CFAP92: variants seen among roughly 807,000 people sequenced by gnomAD.
CFAP92 encodes the protein cilia and flagella associated protein 92 (putative), also known as uncharacterized protein CFAP92.
A neutral mutation model predicts 106.3 loss-of-function variants in CFAP92; 86 were observed. The observed-to-expected ratio is 0.81, with a 90% CI of 0.68 to 0.97. The LOEUF (loss-of-function observed/expected upper bound fraction) is 0.97. Among genes scored for constraint, CFAP92 ranks in the 50% least tolerant of loss-of-function variants. The pLI, the probability that CFAP92 is intolerant of heterozygous loss-of-function variation, is 0.00. For missense variants in CFAP92, 1,204 were observed against 1,283.8 expected, an observed-to-expected ratio of 0.94 and a Z score of 0.95; for synonymous variants, 477 against 506.4, an observed-to-expected ratio of 0.94 and a Z score of 0.78.
At position 128,909,986 on chromosome 3, in the gene CFAP92, T is replaced by TAGTG. The variant is rs1936083691; in HGVS notation, c.*309_*312dup. 3 of 1,610,298 alleles carry TAGTG rather than the reference T, an allele frequency of 1.9e-6. No individual in the cohort carries two copies. The highest frequency in any genetic ancestry group is 2.5e-6 in the Non-Finnish European group (3 of 1,178,726). ...GGACCATGTGGGGGACTGGTCTAGG[T>TAGTG]AGTGAGTCCCCACTTGGAGCCTCTG... is the stretch of plus-strand genomic sequence containing the variant. On this transcript the variant is annotated 3_prime_UTR_variant, in exon 16 of 16. Coordinates refer to ENST00000645291, the MANE Select transcript of CFAP92 (RefSeq NM_001394090.1).
At position 128,945,418 on chromosome 3, in the gene CFAP92, G is replaced by C; in HGVS notation, c.1911C>G (p.Asp637Glu). ...CCCCGGCCCTCAGTGGCACCGCGAT[G>C]TCCACTCGCAACTTGAGCTGGGAGT... Reference protein sequence around the residue: ...EADSQLKLRVDIAVPLRAGAR... With the variant: ...EADSQLKLRVEIAVPLRAGAR... Residue 637 changes from aspartate to glutamate, a missense_variant, in exon 10 of 16, where the codon GAC (aspartate) becomes GAG (glutamate). Physicochemically the swap from Asp to Glu is conservative, Grantham distance 45. Coordinates refer to ENST00000645291, the MANE Select transcript of CFAP92 (RefSeq NM_001394090.1). 1.3e-6 allele frequency: 2 copies of C among 1,536,136 alleles called. No homozygotes were observed. The highest frequency in any genetic ancestry group is 1.7e-6 in the Non-Finnish European group (2 of 1,146,908).
chr3:128,978,164 T>C lies in CFAP92; in HGVS notation c.689A>G (p.Asn230Ser), dbSNP rs1943282941. ...HKSEVRHLVL[N>S]QRKLSEQGIE... ...GCCCTGTTCAGATAATTTTCTCTGA[T>C]TTAAAACCAAATGTCTCACTTCTAG... Residue 230 changes from asparagine to serine, a missense_variant, in exon 5 of 16, where the codon AAT becomes AGT. Coordinates refer to ENST00000645291, the MANE Select transcript of CFAP92 (RefSeq NM_001394090.1). 1.2e-6 allele frequency: 2 copies of C among 1,613,710 alleles called. No homozygotes were observed. The highest frequency in any genetic ancestry group is 1.7e-6 in the Non-Finnish European group (2 of 1,179,712).
chr3:128,915,634 T>A, intron 13 of CFAP92, 71 bp from the exon 14 acceptor site: 1 of 1,024,254 alleles, frequency 9.8e-7, no homozygotes, highest in Non-Finnish European at 1.4e-6. Flanking sequence ...CAAGTAGGAA[T>A]CAGAAACAGC....
chr3:128,995,350 C>G (rs1268978197), upstream of CFAP92, among the ~76,000 whole-genome samples: 2 of 152,126 alleles, frequency 1.3e-5, no homozygotes, highest in Non-Finnish European at 2.9e-5. Context: ...GGGAAGACAC[C>G]AAATGGCAGT....
At chr3:128,933,297 C>T (rs1245389394) in intron 11 of CFAP92, among the ~76,000 whole-genome samples, 1 of 152,244 alleles carries the variant, frequency 6.6e-6, no homozygotes, top group East Asian at 1.9e-4. Context: ...CATCGGGACA[C>T]AGCCCCACCA....
In CFAP92 at chr3:128,949,133, C is replaced by T. The variant is rs114676173; in HGVS notation, c.1354-3158G>A. Among the ~76,000 whole-genome samples the T allele has an allele frequency of 5.1e-3, 781 of 152,212 alleles. 3 individuals carry two copies. Among genetic ancestry groups the T allele is most frequent in the African/African-American group, 0.018 (731 of 41,512 alleles). On this transcript the variant is annotated intron_variant, in intron 9 of 15. Transcript: ENST00000645291. ...CTGATGAGAATGCAGAGTGATCAGC[C>T]GCACTGGAAAATGGTGGGCAGTTTT...
At chr3:128,982,086 C>T (rs1374954495) in intron 4 of CFAP92, among the ~76,000 whole-genome samples, 4 of 152,232 alleles carry the variant, frequency 2.6e-5, no homozygotes, top group East Asian at 3.8e-4. Context: ...GTCAGCCTGT[C>T]CTTTGAAGCC....
intron 10 of CFAP92, among the ~76,000 whole-genome samples, chr3:128,939,450 T>G (rs1939399844): frequency 6.6e-6 from 1 of 152,180 alleles, no homozygotes; most frequent in South Asian, 2.1e-4. Context: ...GAGTTATTTT[T>G]TAATTGAGAT....
At chr3:128,993,951 C>T (rs1027519484) in intron 1 of CFAP92, 29 bp downstream of exon 1, 9 of 987,746 alleles carry the variant, frequency 9.1e-6, no homozygotes, top group Non-Finnish European at 1.1e-5. Flanking sequence ...GGGCAGGGGT[C>T]GGGGTTCCCC....
intron 3 of CFAP92, among the ~76,000 whole-genome samples, 196 bp downstream of exon 3, chr3:128,988,532 T>A (rs1944005107): frequency 6.6e-6 from 1 of 151,488 alleles, no homozygotes; most frequent in Non-Finnish European, 1.5e-5. Flanking sequence ...AGAGCAAGAC[T>A]CTGACTCAAC....
At chr3:128,987,380 G>T (rs1943925670) in intron 4 of CFAP92, among the ~76,000 whole-genome samples, 1 of 151,626 alleles carries the variant, frequency 6.6e-6, no homozygotes, top group Non-Finnish European at 1.5e-5. Context: ...GAGCTGCCCT[G>T]GAATGAAAGG....
intron 2 of CFAP92, among the ~76,000 whole-genome samples, chr3:128,992,348 G>C (rs1407750411): frequency 1.3e-5 from 2 of 152,072 alleles, no homozygotes; most frequent in Non-Finnish European, 2.9e-5. Flanking sequence ...GATGACCTGA[G>C]GTCAGGGGTT....
At chr3:128,931,311 G>C (rs796415898) in intron 12 of CFAP92, among the ~76,000 whole-genome samples, 51 of 151,894 alleles carry the variant, frequency 3.4e-4, no homozygotes, top group African/African-American at 1.2e-3. Context: ...GAGTAGCTGG[G>C]ACTACAAGTA....
At chr3:128,911,687 C>T (rs1462128371) in intron 15 of CFAP92, among the ~76,000 whole-genome samples, 1 of 152,212 alleles carries the variant, frequency 6.6e-6, no homozygotes, top group African/African-American at 2.4e-5. Flanking sequence ...GGTGATCCGC[C>T]CACCTTGGCC....
chr3:128,988,666 C>G, intron 3 of CFAP92, 62 bp downstream of exon 3: 4 of 1,529,278 alleles, frequency 2.6e-6, no homozygotes, highest in Non-Finnish European at 3.6e-6. Context: ...ATCCATGGAG[C>G]AGCACACTTT....
chr3:128,943,887 T>G (rs140689712), intron 10 of CFAP92, among the ~76,000 whole-genome samples: 63 of 151,482 alleles, frequency 4.2e-4, no homozygotes, highest in African/African-American at 1.4e-3. Flanking sequence ...ATCTTTTGTT[T>G]ATCAGTTGAT....
At chr3:128,912,590 C>G (rs1382243592) in intron 15 of CFAP92, 3 of 1,614,178 alleles carry the variant, frequency 1.9e-6, no homozygotes, top group Non-Finnish European at 2.5e-6. Flanking sequence ...TGCCCACCCT[C>G]TGGACAGGAC....
intron 4 of CFAP92, among the ~76,000 whole-genome samples, chr3:128,986,673 A>G (rs1435936734): frequency 2.0e-5 from 3 of 152,182 alleles, no homozygotes; most frequent in Non-Finnish European, 4.4e-5. Context: ...ACGCCGGTCA[A>G]CCTGCCTCCA....
rs747214571 is a variant in CFAP92 at position 128,971,271 on chromosome 3, G to A, written c.1168+16C>T. ...GACAAGCAGGAGCTGCTGGGAACAG[G>A]GCAAGCAGTGGGTACCGGCAAGGAG... On this transcript the variant is annotated intron_variant, in intron 8 of 15. Coordinates refer to ENST00000645291, the MANE Select transcript of CFAP92 (RefSeq NM_001394090.1). 1.2e-6 allele frequency: 2 copies of A among 1,613,736 alleles called. No homozygotes were observed. The highest frequency in any genetic ancestry group is 2.2e-5 in the South Asian group (2 of 90,996).
Sources: allele counts gnomAD v4.1 joint callset (sites outside exome capture counted in the v4.1 genomes callset), GRCh38; gene constraint gnomAD v4.1.1; transcripts MANE v1.5; gene names NCBI Gene and HGNC (gene_info 2026-07-23, HGNC 2026-07-21).